Variants in PPP1R9A observed in about 807,000 individuals in gnomAD.
PPP1R9A encodes the protein neurabin-1.
Under a neutral mutation model 141.9 loss-of-function variants are expected in PPP1R9A, and 59 were observed. The observed-to-expected ratio is 0.42, with a 90% CI of 0.34 to 0.52. The LOEUF is 0.52. Ranked by LOEUF, PPP1R9A falls within the 20% of genes least tolerant of loss-of-function variation. The probability of loss-of-function intolerance (pLI) is 0.10; values close to 1 mark genes in which losing one functional copy is unlikely to be tolerated. For missense variants in PPP1R9A, 1,444 were observed against 1,611.9 expected (o/e 0.90, Z 1.78); for synonymous variants, 500 against 569.7 (o/e 0.88, Z 1.74).
chr7:95,089,156 C>CA (rs1817001382), intron 2 of PPP1R9A, among the ~76,000 whole-genome samples: 1 of 151,850 alleles, frequency 6.6e-6, no homozygotes, highest in Non-Finnish European at 1.5e-5. Flanking sequence ...TATAGAAAAC[C>CA]AAAATATGAG....
At chr7:95,252,684 T>C (rs1435847127) in intron 12 of PPP1R9A, among the ~76,000 whole-genome samples, 1 of 152,052 alleles carries the variant, frequency 6.6e-6, no homozygotes, top group African/African-American at 2.4e-5. Flanking sequence ...GCCAGGCTGG[T>C]CTCGAACTCC....
At chr7:95,258,845 A>G (rs531222756) in intron 12 of PPP1R9A, among the ~76,000 whole-genome samples, 1 of 152,326 alleles carries the variant, frequency 6.6e-6, no homozygotes, top group African/African-American at 2.4e-5. Context: ...AGGAAAATTC[A>G]TAAAACTGTT....
chr7:94,970,499 C>T (rs1798741947), intron 2 of PPP1R9A, among the ~76,000 whole-genome samples: 1 of 152,144 alleles, frequency 6.6e-6, no homozygotes, highest in Non-Finnish European at 1.5e-5. Context: ...TGGGCTGTAC[C>T]CACTCTCTAA....
intron 2 of PPP1R9A, among the ~76,000 whole-genome samples, chr7:94,921,901 GC>G (rs1792889301): frequency 6.6e-6 from 1 of 151,802 alleles, no homozygotes; most frequent in Non-Finnish European, 1.5e-5. Context: ...GAAGATTGAG[GC>G]TGCAGTGAGC....
intron 2 of PPP1R9A, among the ~76,000 whole-genome samples, chr7:94,920,436 G>T (rs1437128159): frequency 6.6e-6 from 1 of 151,686 alleles, no homozygotes; most frequent in Non-Finnish European, 1.5e-5. Flanking sequence ...TCCTTACAAA[G>T]AAGACAGCGA....
Position 95,045,000 on chromosome 7 carries a change from C to G in PPP1R9A, c.1396-66259C>G, listed in dbSNP as rs377512154. Among the ~76,000 whole-genome samples the G allele has an allele frequency of 9.2e-4, 140 of 152,138 alleles. 2 individuals are homozygous for G. The East Asian group carries it at 0.022, about 24-fold the overall frequency. On this transcript the variant is annotated intron_variant, in intron 2 of 19. Transcript: ENST00000433360. ...AAATAATAGAAAATGGGTTCTAGGA[C>G]TAGAGTTGAAAAGGCTTGGGTCTTC...
At chr7:94,919,192 C>T (rs945060372) in intron 2 of PPP1R9A, among the ~76,000 whole-genome samples, 2 of 152,004 alleles carry the variant, frequency 1.3e-5, no homozygotes, top group Admixed American at 6.5e-5. Context: ...TTCAGTGGCA[C>T]GATCAAAGCT....
At chr7:95,005,651 A>G (rs532964377) in intron 2 of PPP1R9A, among the ~76,000 whole-genome samples, 10 of 152,318 alleles carry the variant, frequency 6.6e-5, no homozygotes, top group Non-Finnish European at 8.8e-5. Context: ...AGGATCATTT[A>G]TATGTTGTAA....
chr7:94,939,692 T>TA (rs777373198), intron 2 of PPP1R9A, among the ~76,000 whole-genome samples: 16 of 151,792 alleles, frequency 1.1e-4, no homozygotes, highest in Non-Finnish European at 2.1e-4. Flanking sequence ...CTTAGTGACT[T>TA]AGGTGAACAT....
At chr7:95,099,149 A>G (rs1236422937) in intron 2 of PPP1R9A, among the ~76,000 whole-genome samples, 1 of 152,228 alleles carries the variant, frequency 6.6e-6, no homozygotes, top group Non-Finnish European at 1.5e-5. Context: ...CCAACTGCTG[A>G]GACACATGCT....
chr7:95,021,681 T>C (rs968979996), intron 2 of PPP1R9A, among the ~76,000 whole-genome samples: 5 of 152,186 alleles, frequency 3.3e-5, no homozygotes, highest in African/African-American at 1.2e-4. Context: ...TTCAGTTTTT[T>C]GCATATGGCT....
At chr7:95,236,090 G>T (rs1796641665) in intron 8 of PPP1R9A, among the ~76,000 whole-genome samples, 2 of 151,970 alleles carry the variant, frequency 1.3e-5, no homozygotes, top group South Asian at 4.1e-4. Flanking sequence ...CACCACTAAA[G>T]AATTTTTTAA....
At chr7:95,237,853 T>C (rs1796926908) in intron 8 of PPP1R9A, among the ~76,000 whole-genome samples, 2 of 152,140 alleles carry the variant, frequency 1.3e-5, no homozygotes, top group Middle Eastern at 3.2e-3. Context: ...TTCCATCTTA[T>C]GTATGTATTT....
chr7:94,913,475 A>C (rs1791696170), intron 2 of PPP1R9A, among the ~76,000 whole-genome samples: 1 of 152,218 alleles, frequency 6.6e-6, no homozygotes, highest in Non-Finnish European at 1.5e-5. Flanking sequence ...AATTAGATCA[A>C]GCATAAGACT....
chr7:94,977,554 A>C (rs1399753503), intron 2 of PPP1R9A, among the ~76,000 whole-genome samples: 1 of 152,098 alleles, frequency 6.6e-6, no homozygotes, highest in Non-Finnish European at 1.5e-5. Flanking sequence ...AAAAGCTTGA[A>C]TGGGGTGAGT....
At position 95,292,783 on chromosome 7, in the gene PPP1R9A, A is replaced by T. The variant is rs1484363529; in HGVS notation, c.*2480A>T. 2 of 152,194 alleles carry T rather than the reference A, an allele frequency of 1.3e-5. No homozygotes were observed. Among genetic ancestry groups the T allele is most frequent in the African/African-American group, 4.8e-5 (2 of 41,446 alleles). 9.4% of individuals were successfully genotyped at this position (152,194 alleles called of 1,614,324 possible). A position where few individuals can be genotyped will look rare whatever the true frequency, so the allele number is the denominator to read the frequency against. On this transcript the variant is annotated 3_prime_UTR_variant, in exon 20 of 20. Transcript: ENST00000433360. ...AGTCATTTGGTTTGATTGCCCCACA[A>T]AGCATAAGATGTAAACTGATTAAGG... is the stretch of plus-strand genomic sequence containing the variant.
intron 5 of PPP1R9A, among the ~76,000 whole-genome samples, chr7:95,164,505 A>G (rs1179246741): frequency 1.3e-5 from 2 of 151,948 alleles, no homozygotes; most frequent in Admixed American, 1.3e-4. Flanking sequence ...TTGGGATTCA[A>G]TCTGAAGACT....
chr7:95,124,186 T>C (rs1451377347), intron 4 of PPP1R9A, among the ~76,000 whole-genome samples: 1 of 152,198 alleles, frequency 6.6e-6, no homozygotes, highest in Non-Finnish European at 1.5e-5. Flanking sequence ...GTTTACTGTT[T>C]ACTGATGTTT....
Position 94,909,911 on chromosome 7 carries a change from C to G in PPP1R9A, c.-203C>G. 1 of 455,824 alleles carries G rather than the reference C, an allele frequency of 2.2e-6. No individual in the cohort carries two copies. Among genetic ancestry groups the G allele is most frequent in the Non-Finnish European group, 3.9e-6 (1 of 257,212 alleles). 28.2% of individuals were successfully genotyped at this position (455,824 alleles called of 1,614,324 possible). ...TTTCTATTGCAGATGAACCTCTAGTCTTGCTTTGAAAAAATCATTCTGTGT... is the reference window on the plus strand; with the variant it reads ...TTTCTATTGCAGATGAACCTCTAGTGTTGCTTTGAAAAAATCATTCTGTGT... On this transcript the variant is annotated 5_prime_UTR_variant, in exon 2 of 20. Transcript: ENST00000433360.
Sources: allele counts gnomAD v4.1 joint callset (sites outside exome capture counted in the v4.1 genomes callset), GRCh38; gene constraint gnomAD v4.1.1; transcripts MANE v1.5; gene names NCBI Gene and HGNC (gene_info 2026-07-23, HGNC 2026-07-21).